LRRC24: variants seen among roughly 807,000 people sequenced by gnomAD.
The protein encoded by LRRC24 is leucine-rich repeat-containing protein 24.
In LRRC24, 19 loss-of-function variants were observed where a neutral mutation model predicts 15.3. The observed-to-expected ratio is 1.25, with a 90% CI of 0.87 to 1.83. The LOEUF (loss-of-function observed/expected upper bound fraction) is 1.83. LRRC24 is among the 40% of genes most tolerant of loss of function. The pLI is 0.00. For synonymous variants in LRRC24, 469 were observed against 359.6 expected, an observed-to-expected ratio of 1.30 and a Z score of -3.44; for missense variants, 914 against 723.9, an observed-to-expected ratio of 1.26 and a Z score of -3.01.
chr8:144,524,051 C>T (rs1185573635), intron 4 of LRRC24, 59 bp downstream of exon 4: 1 of 1,562,160 alleles, frequency 6.4e-7, no homozygotes, highest in East Asian at 2.3e-5. Context: ...CACACATGAG[C>T]CTGCTCCCTA....
rs1160472546 is a variant in LRRC24 at position 144,524,350 on chromosome 8, C to A, written c.439-72G>T. On this transcript the variant is annotated intron_variant, in intron 3 of 4. Coordinates refer to ENST00000529415, the MANE Select transcript of LRRC24 (RefSeq NM_001024678.4). ...GGGGCATGTCTCTCTTCTTACCAAG[C>A]TAGACTGGGTTGCCTTTTCTAACTA... 1.9e-6 allele frequency: 3 copies of A among 1,596,850 alleles called. No homozygotes were observed. In the East Asian group the frequency reaches 6.7e-5, roughly 36 times the overall value.
Position 144,524,684 on chromosome 8 carries a change from T to C in LRRC24, c.195A>G (p.Leu65=). Residue 65 remains leucine, a synonymous_variant, in exon 3 of 5, where the codon CTA becomes CTG. Transcript: ENST00000529415. ...LFLQDNNIAR[L]EPGALAPLAA... ...CGAGTGGCGCCAGGGCTCCCGGCTCTAGGCGGGCGATGTTGTTGTCCTGCA... is the reference window on the plus strand; with the variant it reads ...CGAGTGGCGCCAGGGCTCCCGGCTCCAGGCGGGCGATGTTGTTGTCCTGCA... 6 of 1,473,214 alleles carry C rather than the reference T, an allele frequency of 4.1e-6. No individual in the cohort carries two copies. The highest frequency in any genetic ancestry group is 2.7e-5 in the Admixed American group (1 of 37,418). The allele number at this position is 1,473,214 out of a possible 1,614,324, so 91.3% of individuals were successfully genotyped here. A position where few individuals can be genotyped will look rare whatever the true frequency, so the allele number is the denominator to read the frequency against.
Position 144,523,256 on chromosome 8 carries a change from C to G in LRRC24, c.761G>C (p.Ser254Thr). Reference protein sequence around the residue: ...LQSLLDVSHSSLICIPPSVHV... With the variant: ...LQSLLDVSHSTLICIPPSVHV... ...GACAGAGGGCGGAATGCAGATGAGG[C>G]TGCTGTGGGATACGTCCAGGAGACT... The change falls in exon 5 of 5, where the codon AGC (serine) becomes ACC (threonine). Residue 254 changes from serine to threonine, a missense_variant. Coordinates refer to ENST00000529415, the MANE Select transcript of LRRC24 (RefSeq NM_001024678.4). 6.2e-7 allele frequency: 1 copy of G among 1,610,652 alleles called. No individual in the cohort carries two copies. Among genetic ancestry groups the G allele is most frequent in the South Asian group, 1.1e-5 (1 of 90,808 alleles).
chr8:144,526,149 A>C (rs927110487), intron 1 of LRRC24: 1 of 152,358 alleles, frequency 6.6e-6, no homozygotes, highest in South Asian at 2.1e-4. Context: ...GACAGGACCA[A>C]GTGGCCTTGG....
intron 3 of LRRC24, 54 bp downstream of exon 3, chr8:144,524,387 C>T (rs930394652): frequency 4.4e-6 from 7 of 1,593,836 alleles, no homozygotes; most frequent in Non-Finnish European, 4.2e-6. Context: ...TCCAGCCCTA[C>T]AGGGCGAGGG....
chr8:144,522,936 G>T lies in LRRC24; in HGVS notation c.1081C>A (p.Leu361Met), dbSNP rs13263500. The T allele has an allele frequency of 6.5e-7, 1 of 1,542,900 alleles. No individual in the cohort carries two copies. Among genetic ancestry groups the T allele is most frequent in the Non-Finnish European group, 8.7e-7 (1 of 1,154,402 alleles). Residue 361 changes from leucine to methionine, a missense_variant, in exon 5 of 5, where the codon CTG becomes ATG. Coordinates refer to ENST00000529415, the MANE Select transcript of LRRC24 (RefSeq NM_001024678.4). ...GGAARVPFRL[L>M]VNASRQQPQQ... ...GGCTGCTGCCGGGACGCGTTGACCAGGAGCCGGAAGGGCACGCGGGCAGCG... is the reference window on the plus strand; with the variant it reads ...GGCTGCTGCCGGGACGCGTTGACCATGAGCCGGAAGGGCACGCGGGCAGCG...
chr8:144,524,305 G>C, intron 3 of LRRC24, 27 bp from the exon 4 acceptor site: 6 of 1,607,080 alleles, frequency 3.7e-6, no homozygotes, highest in Non-Finnish European at 5.1e-6. Flanking sequence ...AGATCGTGAG[G>C]AAAAAGGGCG....
chr8:144,522,433 C>A lies in LRRC24; in HGVS notation c.*42G>T. 7.2e-7 allele frequency: 1 copy of A among 1,384,856 alleles called. No homozygotes were observed. Among genetic ancestry groups the A allele is most frequent in the South Asian group, 1.6e-5 (1 of 61,294 alleles). 85.8% of individuals were successfully genotyped at this position (1,384,856 alleles called of 1,614,324 possible). A position where few individuals can be genotyped will look rare whatever the true frequency, so the allele number is the denominator to read the frequency against. ...TGACGGAGCATGCGCGAGGCCGCAC[C>A]GGCCAATCTCCGGCGCCCACGTCAT... On this transcript the variant is annotated 3_prime_UTR_variant, in exon 5 of 5. Transcript: ENST00000529415.
In LRRC24 at chr8:144,524,451, A is replaced by C; in HGVS notation, c.428T>G (p.Leu143Trp). 1 of 1,597,978 alleles carries C rather than the reference A, an allele frequency of 6.3e-7. No homozygotes were observed. Among genetic ancestry groups the C allele is most frequent in the Non-Finnish European group, 8.5e-7 (1 of 1,179,840 alleles). The change falls in exon 3 of 5, where the codon TTG becomes TGG. Residue 143 changes from leucine to tryptophan, a missense_variant. Leu to Trp is a moderately conservative substitution (Grantham distance 61). Transcript: ENST00000529415. ...QLARLLDFTF[L>W]HLPRLQELHL... ...ACCCCAGGCGCTCACCGGCAGGTGC[A>C]AGAAGGTGAAATCCAGCAGCCGCGC...
rs1816255855 is a variant in LRRC24, at chr8:144,524,227, G to C, written c.490C>G (p.Gln164Glu). The C allele has an allele frequency of 5.6e-6, 9 of 1,612,630 alleles. No individual in the cohort carries two copies. Among genetic ancestry groups the C allele is most frequent in the Non-Finnish European group, 7.6e-6 (9 of 1,179,948 alleles). Residue 164 changes from glutamine (Q) to glutamate (E), a missense_variant, in exon 4 of 5, where the codon CAG becomes GAG. Physicochemically the swap from Gln to Glu is conservative, Grantham distance 29 (BLOSUM62 2). Coordinates refer to ENST00000529415, the MANE Select transcript of LRRC24 (RefSeq NM_001024678.4). ...AGGGAGGACAGCCCCGCTAGAGCCT[G>C]GTCCTCCAGCAGCTCAATGCTGTTT... ...QENSIELLEDQALAGLSSLAL... is the reference protein window; with the variant it reads ...QENSIELLEDEALAGLSSLAL...
chr8:144,522,756 G>A lies in LRRC24; in HGVS notation c.1261C>T (p.Leu421=). Residue 421 remains leucine (L), a synonymous_variant, in exon 5 of 5, where the codon CTG becomes TTG. Coordinates refer to ENST00000529415, the MANE Select transcript of LRRC24 (RefSeq NM_001024678.4). ...CGCCGGCGACAGATCATGGCGACCA[G>A]GAGCAGCGCCGTGAGCGCCAGCAGC... is the stretch of plus-strand genomic sequence containing the variant. ...IALLALTALL[L]VAMICRRRRR... 1.9e-6 allele frequency: 3 copies of A among 1,580,858 alleles called. No individual in the cohort carries two copies. The highest frequency in any genetic ancestry group is 2.4e-5 in the East Asian group (1 of 42,308).
In LRRC24 at chr8:144,522,661, G is replaced by A. The variant is rs1257412235; in HGVS notation, c.1356C>T (p.Gly452=). 4 of 1,592,656 alleles carry A rather than the reference G, an allele frequency of 2.5e-6. No homozygotes were observed. Among genetic ancestry groups the A allele is most frequent in the East Asian group, 4.7e-5 (2 of 42,946 alleles). The part of the protein sequence containing the change: ...GALFVNDYLD[G]PCTFAQLEEL... ...CCTCTAGCTGTGCGAACGTACAGGG[G>A]CCGTCCAAGTAGTCGTTGACGAACA... The change falls in exon 5 of 5, where the codon GGC becomes GGT. Residue 452 remains glycine (G), a synonymous_variant. Transcript: ENST00000529415.
rs1346180392 is a variant in LRRC24 at position 144,524,558 on chromosome 8, G to C, written c.321C>G (p.Ser107Arg). ...QPRLLELALT[S>R]NRLRGLRSGA... is the part of the protein sequence containing the mutation. Reference sequence around the variant, plus strand: ...CGCTGCGCAAGCCGCGCAGCCGGTTGCTAGTGAGCGCCAGCTCCAGCAGGC... The same window carrying C: ...CGCTGCGCAAGCCGCGCAGCCGGTTCCTAGTGAGCGCCAGCTCCAGCAGGC... Residue 107 changes from serine to arginine, a missense_variant, in exon 3 of 5, where the codon AGC becomes AGG. Transcript: ENST00000529415. 8 of 1,570,510 alleles carry C rather than the reference G, an allele frequency of 5.1e-6. No homozygotes were observed. The highest frequency in any genetic ancestry group is 6.9e-6 in the Non-Finnish European group (8 of 1,166,658).
rs1816389185 is a variant in LRRC24, at chr8:144,527,021, GC to G, written c.-122del. On this transcript the variant is annotated 5_prime_UTR_variant, in exon 1 of 5. Coordinates refer to ENST00000529415, the MANE Select transcript of LRRC24 (RefSeq NM_001024678.4). The stretch of plus-strand genomic sequence containing the variant: ...AGGTGGCGGCCGGGCCCGAGCAGTC[GC>G]CGGGCTGGGAGGGGGCGGGGGACGC... 1 of 155,044 alleles carries G rather than the reference GC, an allele frequency of 6.4e-6. No homozygotes were observed. The highest frequency in any genetic ancestry group is 6.5e-5 in the Admixed American group (1 of 15,364). The allele number at this position is 155,044 out of a possible 1,614,324, so 9.6% of individuals were successfully genotyped here.
At chr8:144,526,217 A>G (rs1330141557) in intron 1 of LRRC24, 2 of 152,256 alleles carry the variant, frequency 1.3e-5, no homozygotes, top group African/African-American at 4.8e-5. Flanking sequence ...ACTAGAAATA[A>G]GTAAGCACAG....
chr8:144,524,866 C>A lies in LRRC24; in HGVS notation c.109G>T (p.Gly37Cys). The A allele has an allele frequency of 6.6e-7, 1 of 1,506,374 alleles. No homozygotes were observed. The highest frequency in any genetic ancestry group is 8.9e-7 in the Non-Finnish European group (1 of 1,128,152). 93.3% of individuals were successfully genotyped at this position (1,506,374 alleles called of 1,614,324 possible). Residue 37 changes from glycine to cysteine, a missense_variant, in exon 2 of 5, where the codon GGC (glycine) becomes TGC (cysteine). Coordinates refer to ENST00000529415, the MANE Select transcript of LRRC24 (RefSeq NM_001024678.4). ...GGGACGACGCGCAACCGCAGGGCGC[C>A]ACACTCCACCGTGGCGCTGTAGCAG... The part of the protein sequence containing the change: ...CRCYSATVEC[G>C]ALRLRVVPLG...
In LRRC24 at chr8:144,522,578, A is replaced by G; in HGVS notation, c.1439T>C (p.Phe480Ser). 1.3e-6 allele frequency: 2 copies of G among 1,557,720 alleles called. No homozygotes were observed. The highest frequency in any genetic ancestry group is 1.7e-6 in the Non-Finnish European group (2 of 1,154,134). ...MFVINRSKPL[F>S]AEGPAEAPAD... ...GGGCGCCTCCGCCGGACCCTCGGCG[A>G]AGAGCGGCTTGGAGCGGTTGATGAC... The change falls in exon 5 of 5, where the codon TTC becomes TCC. Residue 480 changes from phenylalanine to serine, a missense_variant. Phe to Ser is a radical substitution (Grantham distance 155). Coordinates refer to ENST00000529415, the MANE Select transcript of LRRC24 (RefSeq NM_001024678.4).
intron 1 of LRRC24, 183 bp downstream of exon 1, chr8:144,526,774 GCCT>G (rs1264827149): frequency 6.6e-6 from 1 of 152,292 alleles, no homozygotes; most frequent in Non-Finnish European, 1.5e-5. Flanking sequence ...ATCCCCCACG[GCCT>G]CCTCTGCTAC....
chr8:144,522,499 C>CGGCGG lies in LRRC24; in HGVS notation c.1513_1517dup (p.Val507ArgfsTer?). On this transcript the variant is annotated frameshift_variant, in exon 5 of 5. Coordinates refer to ENST00000529415, the MANE Select transcript of LRRC24 (RefSeq NM_001024678.4). LOFTEE classifies it high-confidence loss of function. Reference sequence around the variant, plus strand: ...CCTAGCAGTGGATCTCGTAGGCGACCGGCGGGGGCACGCGGAGTCCCGGCC... The same window carrying CGGCGG: ...CCTAGCAGTGGATCTCGTAGGCGACCGGCGGGGCGGGGGCACGCGGAGTCCCGGCC... The CGGCGG allele has an allele frequency of 6.7e-7, 1 of 1,493,948 alleles. No homozygotes were observed. Among genetic ancestry groups the CGGCGG allele is most frequent in the Non-Finnish European group, 8.9e-7 (1 of 1,127,806 alleles). The allele number at this position is 1,493,948 out of a possible 1,614,324, so 92.5% of individuals were successfully genotyped here.
Sources: allele counts gnomAD v4.1 joint callset, GRCh38; gene constraint gnomAD v4.1.1; transcripts MANE v1.5; gene names NCBI Gene and HGNC (gene_info 2026-07-23, HGNC 2026-07-21).